NCK2: variants seen among roughly 807,000 people sequenced by gnomAD.
NCK2 encodes the protein cytoplasmic protein NCK2.
In NCK2, 16 loss-of-function variants were observed where a neutral mutation model predicts 33.9. The observed-to-expected ratio is 0.47, with a 90% confidence interval of 0.32 to 0.72. The LOEUF (loss-of-function observed/expected upper bound fraction) is 0.72, where lower values mean the gene tolerates loss of function less well. Among genes scored for constraint, NCK2 ranks in the 30% least tolerant of loss-of-function variants. NCK2 has a pLI of 0.03. For synonymous variants in NCK2, 273 were observed against 239.9 expected (o/e 1.14, Z -1.27); for missense variants, 418 against 537.3 (o/e 0.78, Z 2.19).
chr2:105,845,566 T>C (rs1676826733), intron 2 of NCK2, among the ~76,000 whole-genome samples: 2 of 152,108 alleles, frequency 1.3e-5, no homozygotes, highest in African/African-American at 4.8e-5. Context: ...GCTAATTTTT[T>C]GTATTTTTAG....
intron 2 of NCK2, among the ~76,000 whole-genome samples, chr2:105,845,157 C>G (rs956836412): frequency 6.6e-6 from 1 of 152,080 alleles, no homozygotes; most frequent in Non-Finnish European, 1.5e-5. Flanking sequence ...GGGCATAAAC[C>G]ATATAAATCT....
At chr2:105,761,928 A>G (rs955008470) in intron 1 of NCK2, among the ~76,000 whole-genome samples, 5 of 152,150 alleles carry the variant, frequency 3.3e-5, no homozygotes, top group Admixed American at 6.5e-5. Flanking sequence ...TTTCTTTTCA[A>G]TCTCTGCCTC....
At chr2:105,765,790 T>G (rs1398407803) in intron 1 of NCK2, among the ~76,000 whole-genome samples, 2 of 147,714 alleles carry the variant, frequency 1.4e-5, no homozygotes, top group African/African-American at 2.5e-5. Context: ...ATAGGGGGTG[T>G]GTGTGTGTGT....
chr2:105,768,853 C>A (rs1284030840), intron 1 of NCK2, among the ~76,000 whole-genome samples: 3 of 152,122 alleles, frequency 2.0e-5, no homozygotes, highest in Non-Finnish European at 4.4e-5. Flanking sequence ...GGTGGGAGTC[C>A]CCATGCCCCC....
chr2:105,859,663 T>C (rs1573214648), intron 3 of NCK2, among the ~76,000 whole-genome samples: 1 of 152,314 alleles, frequency 6.6e-6, no homozygotes, highest in Non-Finnish European at 1.5e-5. Flanking sequence ...ATTGACAGGG[T>C]TCTGAGAGGC....
chr2:105,792,415 A>T (rs1690918395), intron 1 of NCK2, among the ~76,000 whole-genome samples: 2 of 152,218 alleles, frequency 1.3e-5, no homozygotes, highest in African/African-American at 4.8e-5. Context: ...AGTGAATTCC[A>T]GACATCAATT....
intron 3 of NCK2, among the ~76,000 whole-genome samples, chr2:105,861,977 C>A (rs1677557007): frequency 7.1e-6 from 1 of 141,056 alleles, no homozygotes; most frequent in Non-Finnish European, 1.5e-5. Flanking sequence ...TGCATAATGG[C>A]TACAAGAAGT....
At chr2:105,808,058 A>G (rs1039597489) in intron 1 of NCK2, among the ~76,000 whole-genome samples, 3 of 151,970 alleles carry the variant, frequency 2.0e-5, no homozygotes, top group Admixed American at 6.6e-5. Flanking sequence ...GTGTACCGCT[A>G]TGCCCAGCTA....
At chr2:105,755,491 C>A (rs1036555624) in intron 1 of NCK2, among the ~76,000 whole-genome samples, 1 of 152,170 alleles carries the variant, frequency 6.6e-6, no homozygotes, top group African/African-American at 2.4e-5. Flanking sequence ...GTAGGTTCTC[C>A]TTTCATGAGT....
At position 105,883,393 on chromosome 2, in the gene NCK2, T is replaced by C. The variant is rs191957981; in HGVS notation, c.948+1344T>C. The stretch of plus-strand genomic sequence containing the variant: ...ACCAATTACAATATTAAGTGCTTGG[T>C]CCAGAGTCCTTAAGGGCTAAGTATA... On this transcript the variant is annotated intron_variant, in intron 4 of 4. Transcript: ENST00000233154. 3.3e-5 allele frequency among the ~76,000 whole-genome samples: 5 copies of C among 152,304 alleles called. No homozygotes were observed. In the East Asian group the frequency reaches 9.6e-4, roughly 29 times the overall value.
At chr2:105,764,032 C>T (rs1689851606) in intron 1 of NCK2, among the ~76,000 whole-genome samples, 1 of 152,238 alleles carries the variant, frequency 6.6e-6, no homozygotes, top group African/African-American at 2.4e-5. Flanking sequence ...CTCTCTACAA[C>T]CCCACGAGGC....
chr2:105,776,196 G>A (rs369718903), intron 1 of NCK2, among the ~76,000 whole-genome samples: 4 of 152,310 alleles, frequency 2.6e-5, no homozygotes, highest in East Asian at 1.9e-4. Context: ...CCTGTACGTT[G>A]CTACAGTGTC....
intron 1 of NCK2, among the ~76,000 whole-genome samples, chr2:105,750,904 C>A (rs1486441894): frequency 6.6e-6 from 1 of 152,190 alleles, no homozygotes. Context: ...AGCCTGCCAT[C>A]TCTGTGATCG....
chr2:105,844,136 G>A (rs1676755784), intron 2 of NCK2, among the ~76,000 whole-genome samples: 2 of 151,824 alleles, frequency 1.3e-5, no homozygotes, highest in Non-Finnish European at 2.9e-5. Flanking sequence ...CATGACATCA[G>A]ACAAATCCTA....
At chr2:105,751,118 C>T (rs1410530141) in intron 1 of NCK2, among the ~76,000 whole-genome samples, 1 of 152,214 alleles carries the variant, frequency 6.6e-6, no homozygotes, top group East Asian at 1.9e-4. Context: ...CATTCATTCA[C>T]ATTCATATGA....
intron 4 of NCK2, among the ~76,000 whole-genome samples, chr2:105,891,192 A>C (rs1462332369): frequency 6.6e-6 from 1 of 151,846 alleles, no homozygotes; most frequent in Non-Finnish European, 1.5e-5. Context: ...ACTCCCTCTC[A>C]CATCTGCGCA....
intron 2 of NCK2, among the ~76,000 whole-genome samples, chr2:105,835,402 T>TATATATAC (rs1278239028): frequency 4.1e-5 from 3 of 73,112 alleles, no homozygotes; most frequent in Non-Finnish European, 6.6e-5. Context: ...TATATATATA[T>TATATATAC]ATACGTGTAT....
intron 1 of NCK2, among the ~76,000 whole-genome samples, chr2:105,778,550 C>G (rs1343218364): frequency 6.6e-6 from 1 of 152,160 alleles, no homozygotes; most frequent in East Asian, 1.9e-4. Context: ...GGGGATTTGC[C>G]GGCAGAGTTA....
rs992034775 is a variant in NCK2 at position 105,893,859 on chromosome 2, G to T, written c.*683G>T. ...GCTTTTTCCTCTTGCCCTTCGGCTT[G>T]TTTGAATCTCACAATTATGTATTTA... On this transcript the variant is annotated 3_prime_UTR_variant, in exon 5 of 5. Transcript: ENST00000233154. 2 of 152,620 alleles carry T rather than the reference G, an allele frequency of 1.3e-5. No homozygotes were observed. The highest frequency in any genetic ancestry group is 2.9e-5 in the Non-Finnish European group (2 of 68,040). The allele number at this position is 152,620 out of a possible 1,614,324, so 9.5% of individuals were successfully genotyped here. A position where few individuals can be genotyped will look rare whatever the true frequency, so the allele number is the denominator to read the frequency against.
Sources: gnomAD v4.1 joint callset for allele counts (sites outside exome capture counted in the v4.1 genomes callset) on GRCh38, gnomAD v4.1.1 for gene constraint, MANE v1.5 for transcripts, NCBI Gene and HGNC (gene_info 2026-07-23, HGNC 2026-07-21) for gene names.